Variants in TAFA1 observed in about 807,000 individuals in gnomAD.
TAFA1 encodes the protein TAFA chemokine like family member 1, also known as chemokine-like protein TAFA-1.
Under a neutral mutation model 18.5 loss-of-function variants are expected in TAFA1, and 4 were observed. The ratio of observed to expected loss-of-function variants is 0.22; its 90% CI spans 0.11 to 0.49. The LOEUF is 0.49. Among genes scored for constraint, TAFA1 ranks in the 20% least tolerant of loss-of-function variants. TAFA1 has a pLI of 0.98. For missense variants in TAFA1, 147 were observed against 169.0 expected (o/e 0.87, Z 0.72); for synonymous variants, 56 against 55.2 (o/e 1.01, Z -0.06).
At chr3:68,488,448 G>T (rs1420968546) in intron 3 of TAFA1, among the ~76,000 whole-genome samples, 1 of 152,166 alleles carries the variant, frequency 6.6e-6, no homozygotes, top group Non-Finnish European at 1.5e-5. Context: ...ATCCTCAGGG[G>T]AACAATACTT....
chr3:68,310,591 A>G (rs72626952), intron 2 of TAFA1, among the ~76,000 whole-genome samples: 3,935 of 152,284 alleles, frequency 0.026, 89 homozygotes, highest in East Asian at 0.098. Context: ...TCATATAAAC[A>G]CTATCATAAA....
intron 2 of TAFA1, among the ~76,000 whole-genome samples, chr3:68,397,866 T>C (rs1220616112): frequency 6.6e-6 from 1 of 152,186 alleles, no homozygotes; most frequent in Admixed American, 6.6e-5. Context: ...GCAGAAGCTC[T>C]TCAGTTTAAT....
At chr3:68,357,311 T>C (rs1245397077) in intron 2 of TAFA1, among the ~76,000 whole-genome samples, 2 of 151,892 alleles carry the variant, frequency 1.3e-5, no homozygotes, top group African/African-American at 4.8e-5. Flanking sequence ...ATTCATTATG[T>C]ATATATTTGT....
intron 2 of TAFA1, among the ~76,000 whole-genome samples, chr3:68,409,878 T>A (rs2070679473): frequency 6.6e-6 from 1 of 152,194 alleles, no homozygotes; most frequent in Non-Finnish European, 1.5e-5. Flanking sequence ...CTTTTAGTCA[T>A]CTGCCTGCCA....
At chr3:68,177,864 G>C (rs2066144541) in intron 2 of TAFA1, among the ~76,000 whole-genome samples, 1 of 152,124 alleles carries the variant, frequency 6.6e-6, no homozygotes, top group Non-Finnish European at 1.5e-5. Flanking sequence ...TTAACCCTGG[G>C]CTGGGCATGG....
intron 2 of TAFA1, among the ~76,000 whole-genome samples, chr3:68,341,544 C>T (rs139614360): frequency 5.9e-5 from 9 of 152,220 alleles, no homozygotes; most frequent in Non-Finnish European, 7.4e-5. Flanking sequence ...ATTTGTTAGT[C>T]GTACAAAGGC....
intron 2 of TAFA1, among the ~76,000 whole-genome samples, chr3:68,284,413 T>G (rs2067958442): frequency 6.6e-6 from 1 of 152,230 alleles, no homozygotes; most frequent in African/African-American, 2.4e-5. Flanking sequence ...AATGTTACAA[T>G]GTTAAAAAAA....
chr3:68,447,026 T>C (rs1191194325), intron 3 of TAFA1, among the ~76,000 whole-genome samples: 1 of 152,196 alleles, frequency 6.6e-6, no homozygotes, highest in Admixed American at 6.6e-5. Context: ...TTCTCTTTCA[T>C]AATGTTGGGT....
chr3:68,474,419 T>G (rs2072054092), intron 3 of TAFA1, among the ~76,000 whole-genome samples: 1 of 152,172 alleles, frequency 6.6e-6, no homozygotes. Context: ...TACTAAGAGC[T>G]ATGGTGAGTT....
intron 4 of TAFA1, among the ~76,000 whole-genome samples, chr3:68,539,195 A>T (rs766534640): frequency 6.6e-6 from 1 of 152,200 alleles, no homozygotes; most frequent in Non-Finnish European, 1.5e-5. Context: ...TCAGAATGAT[A>T]ATCAAATGAA....
chr3:68,380,236 A>G (rs2069912149), intron 2 of TAFA1, among the ~76,000 whole-genome samples: 1 of 152,176 alleles, frequency 6.6e-6, no homozygotes, highest in Admixed American at 6.5e-5. Context: ...ATACGCGTGC[A>G]TGTGTCTTTA....
intron 2 of TAFA1, among the ~76,000 whole-genome samples, chr3:68,081,457 G>T (rs900481080): frequency 6.6e-6 from 1 of 151,470 alleles, no homozygotes; most frequent in Non-Finnish European, 1.5e-5. Context: ...TCTAGTTTTG[G>T]TCTTTGATGA....
chr3:68,404,176 T>A (rs1022057789), intron 2 of TAFA1, among the ~76,000 whole-genome samples: 2 of 152,182 alleles, frequency 1.3e-5, no homozygotes, highest in Admixed American at 1.3e-4. Context: ...TTTCCTGAGA[T>A]AAATCCAGCT....
chr3:68,020,653 AG>A (rs1207677876), intron 2 of TAFA1, among the ~76,000 whole-genome samples: 5 of 152,162 alleles, frequency 3.3e-5, no homozygotes, highest in Non-Finnish European at 5.9e-5. Context: ...TGCACATAGA[AG>A]TTTTACAACT....
At chr3:68,260,385 T>C (rs1369164748) in intron 2 of TAFA1, among the ~76,000 whole-genome samples, 1 of 152,136 alleles carries the variant, frequency 6.6e-6, no homozygotes, top group Admixed American at 6.5e-5. Context: ...TCAAGGATAT[T>C]GGTCTAAAAT....
chr3:68,355,395 C>T (rs767189471), intron 2 of TAFA1, among the ~76,000 whole-genome samples: 2 of 151,966 alleles, frequency 1.3e-5, no homozygotes, highest in Admixed American at 6.6e-5. Context: ...CACTTAACCT[C>T]CCTTTACCTC....
At chr3:68,035,324 C>G (rs952451534) in intron 2 of TAFA1, among the ~76,000 whole-genome samples, 2 of 152,128 alleles carry the variant, frequency 1.3e-5, no homozygotes, top group African/African-American at 4.8e-5. Context: ...TCTGTCTTCT[C>G]AAACCCAAGG....
chr3:68,008,729 A>G (rs1704413191), intron 2 of TAFA1, among the ~76,000 whole-genome samples: 1 of 152,076 alleles, frequency 6.6e-6, no homozygotes, highest in African/African-American at 2.4e-5. Context: ...TCATTATGTC[A>G]ATACTTGGTC....
intron 2 of TAFA1, among the ~76,000 whole-genome samples, chr3:68,010,603 A>C (rs754774157): frequency 1.3e-5 from 2 of 152,164 alleles, no homozygotes; most frequent in Non-Finnish European, 2.9e-5. Context: ...GCAGTCTCTA[A>C]CTACTTCCTA....
Sources: gnomAD v4.1 joint callset for allele counts (sites outside exome capture counted in the v4.1 genomes callset) on GRCh38, gnomAD v4.1.1 for gene constraint, MANE v1.5 for transcripts, NCBI Gene and HGNC (gene_info 2026-07-23, HGNC 2026-07-21) for gene names.